Variants in ADK observed in about 807,000 individuals in gnomAD.
ADK encodes adenosine kinase.
A neutral mutation model predicts 44.7 loss-of-function variants in ADK; 24 were observed. The ratio of observed to expected loss-of-function variants is 0.54; its 90% confidence interval spans 0.39 to 0.76. The LOEUF is 0.76. Among genes scored for constraint, ADK ranks in the 30% least tolerant of loss-of-function variants. The pLI, the probability that ADK is intolerant of heterozygous loss-of-function variation, is 0.00. For missense variants in ADK, 321 were observed against 425.1 expected (o/e 0.76, Z 2.15); for synonymous variants, 128 against 142.6 (o/e 0.90, Z 0.73).
chr10:74,279,267 G>A (rs147022016), intron 3 of ADK, among the ~76,000 whole-genome samples: 4,779 of 150,472 alleles, frequency 0.032, 282 homozygotes, highest in African/African-American at 0.11. Context: ...GTGACAGAGC[G>A]AGACTCCATC....
In ADK at chr10:74,459,727, C is replaced by CAA. The variant is rs986375076; in HGVS notation, c.555+61162_555+61163dup. On this transcript the variant is annotated intron_variant, in intron 6 of 10. Transcript: ENST00000539909. The stretch of plus-strand genomic sequence containing the variant: ...CTGGCAATAGAGCAAGACTCCATCT[C>CAA]AAAAAAAAAAAAAAAGAAAAAAAAG... Among the ~76,000 whole-genome samples the CAA allele has an allele frequency of 4.8e-3, 206 of 42,662 alleles. 2 individuals are homozygous for CAA. Among genetic ancestry groups the CAA allele is most frequent in the African/African-American group, 0.015 (187 of 12,850 alleles). 28.0% of individuals were successfully genotyped at this position (42,662 alleles called of 152,430 possible).
intron 7 of ADK, among the ~76,000 whole-genome samples, chr10:74,550,940 C>A (rs1057056845): frequency 2.0e-5 from 3 of 152,108 alleles, no homozygotes; most frequent in African/African-American, 2.4e-5. Context: ...TGCGTTCAAG[C>A]AATCCTCCTG....
chr10:74,393,569 TA>T (rs1353910026), intron 4 of ADK, among the ~76,000 whole-genome samples: 1 of 152,240 alleles, frequency 6.6e-6, no homozygotes, highest in Admixed American at 6.5e-5. Flanking sequence ...CCACAGCTAA[TA>T]TATGTTGTTG....
At chr10:74,674,320 C>T (rs1337366333) in intron 10 of ADK, among the ~76,000 whole-genome samples, 5 of 152,260 alleles carry the variant, frequency 3.3e-5, no homozygotes, top group Admixed American at 2.6e-4. Context: ...CCAGCAGGAG[C>T]CTTTCTACTG....
intron 9 of ADK, chr10:74,655,426 G>C: frequency 2.4e-6 from 1 of 423,688 alleles, no homozygotes; most frequent in South Asian, 1.9e-5. Context: ...CCATGCTGTA[G>C]AAGGACGATT....
chr10:74,591,423 A>T (rs1851712686), intron 8 of ADK, among the ~76,000 whole-genome samples: 1 of 152,186 alleles, frequency 6.6e-6, no homozygotes, highest in Admixed American at 6.5e-5. Flanking sequence ...CTCTTCGTAG[A>T]TTCCCAAAAC....
In ADK at chr10:74,279,857, C is replaced by A. The variant is rs551732033; in HGVS notation, c.195-34810C>A. On this transcript the variant is annotated intron_variant, in intron 3 of 10. Coordinates refer to ENST00000539909, the MANE Select transcript of ADK (RefSeq NM_006721.4). ...GATCAGCCCAGGCAATGTAGGGAGA[C>A]CCCGTCTCTAAAAAAGAAAAATTAA... Among the ~76,000 whole-genome samples the A allele has an allele frequency of 5.9e-5, 9 of 152,044 alleles. No individual in the cohort carries two copies. The South Asian group carries it at 1.9e-3, about 32-fold the overall frequency.
chr10:74,416,526 G>A (rs960235287), intron 6 of ADK, among the ~76,000 whole-genome samples: 2 of 150,442 alleles, frequency 1.3e-5, no homozygotes, highest in Non-Finnish European at 3.0e-5. Context: ...TTCTCTATAC[G>A]GATTTCTGGC....
At chr10:74,525,963 A>AT (rs1849023152) in intron 7 of ADK, among the ~76,000 whole-genome samples, 1 of 152,018 alleles carries the variant, frequency 6.6e-6, no homozygotes, top group African/African-American at 2.4e-5. Flanking sequence ...CCCAACATTT[A>AT]TTTTTTTAAG....
At position 74,673,869 on chromosome 10, in the gene ADK, G is replaced by A. The variant is rs560105418; in HGVS notation, c.964+3600G>A. ...GCAGGAAGATAATCCCCTGGAGTCC[G>A]GTCATCCCCAGCCAGACTCCTCTCC... On this transcript the variant is annotated intron_variant, in intron 10 of 10. Transcript: ENST00000539909. Among the ~76,000 whole-genome samples the A allele has an allele frequency of 1.1e-3, 174 of 152,228 alleles. 1 individual carries two copies. Among genetic ancestry groups the A allele is most frequent in the Middle Eastern group, 3.4e-3 (1 of 294 alleles).
chr10:74,355,260 A>G (rs1438451881), intron 4 of ADK, among the ~76,000 whole-genome samples: 4 of 152,240 alleles, frequency 2.6e-5, no homozygotes, highest in Admixed American at 6.5e-5. Context: ...ATTAGTAAAG[A>G]TACTTGCTTC....
At chr10:74,630,689 A>G (rs1354212818) in intron 9 of ADK, among the ~76,000 whole-genome samples, 3 of 152,132 alleles carry the variant, frequency 2.0e-5, no homozygotes, top group Non-Finnish European at 4.4e-5. Context: ...AGTTCTCTCC[A>G]TTGTAAAGTT....
At chr10:74,205,086 C>CAA (rs1224927288) in intron 2 of ADK, among the ~76,000 whole-genome samples, 2 of 139,704 alleles carry the variant, frequency 1.4e-5, no homozygotes, top group African/African-American at 5.4e-5. Context: ...CAAGCCAAAC[C>CAA]ACACCAAAAC....
At chr10:74,385,834 CCTAATATTCCCCGAAT>C (rs1481849977) in intron 4 of ADK, among the ~76,000 whole-genome samples, 7 of 152,054 alleles carry the variant, frequency 4.6e-5, no homozygotes, top group African/African-American at 1.7e-4. Context: ...TTCTACTAGG[CCTAATATTCCCCGAAT>C]CTGTTCTGAG....
At chr10:74,366,833 G>A (rs1464755104) in intron 4 of ADK, among the ~76,000 whole-genome samples, 1 of 152,202 alleles carries the variant, frequency 6.6e-6, no homozygotes, top group East Asian at 1.9e-4. Flanking sequence ...GGGAGGCTGA[G>A]GTGGGCGGAT....
chr10:74,324,316 C>T (rs1840933429), intron 4 of ADK, among the ~76,000 whole-genome samples: 1 of 152,202 alleles, frequency 6.6e-6, no homozygotes, highest in Non-Finnish European at 1.5e-5. Flanking sequence ...AGTTGTGAGC[C>T]ACTGTGCACA....
intron 4 of ADK, among the ~76,000 whole-genome samples, chr10:74,337,629 C>T (rs1214810218): frequency 1.3e-5 from 2 of 152,196 alleles, no homozygotes; most frequent in Admixed American, 6.5e-5. Flanking sequence ...TCTATACTTA[C>T]ACTCCTCTAC....
intron 8 of ADK, among the ~76,000 whole-genome samples, chr10:74,592,812 T>C (rs1310826752): frequency 6.6e-6 from 1 of 152,182 alleles, no homozygotes; most frequent in African/African-American, 2.4e-5. Flanking sequence ...CTATTTAAAT[T>C]AGGATTAATT....
rs184578043 is a variant in ADK at position 74,529,639 on chromosome 10, G to T, written c.726+4213G>T. ...TTTTCCCCACCTAGAAGAGGAAGTG[G>T]TAAAACTGTAAGCTGCTACGTGGCT... On this transcript the variant is annotated intron_variant, in intron 7 of 10. Transcript: ENST00000539909. Among the ~76,000 whole-genome samples the T allele has an allele frequency of 2.9e-3, 435 of 152,174 alleles. 6 individuals are homozygous for T. The highest frequency in any genetic ancestry group is 9.8e-3 in the African/African-American group (406 of 41,540).
Sources: gnomAD v4.1 joint callset for allele counts (sites outside exome capture counted in the v4.1 genomes callset) on GRCh38, gnomAD v4.1.1 for gene constraint, MANE v1.5 for transcripts, NCBI Gene and HGNC (gene_info 2026-07-23, HGNC 2026-07-21) for gene names.